The following TSACC variants were observed in gnomAD, a reference collection of about 807,000 sequenced individuals.
TSACC encodes TSSK6-activating co-chaperone protein.
Under a neutral mutation model 6.9 loss-of-function variants are expected in TSACC, and 3 were observed. The observed-to-expected ratio is 0.43, with a 90% CI of 0.20 to 1.12. The LOEUF (loss-of-function observed/expected upper bound fraction) is 1.12, where lower values mean the gene tolerates loss of function less well. TSACC is among the 50% of genes most tolerant of loss of function. The pLI, the probability that TSACC is intolerant of heterozygous loss-of-function variation, is 0.28. For synonymous variants in TSACC, 54 were observed against 55.1 expected, an observed-to-expected ratio of 0.98 and a Z score of 0.09; for missense variants, 137 against 143.9, an observed-to-expected ratio of 0.95 and a Z score of 0.24.
chr1:156,338,249 G>A (rs1018186247), upstream of TSACC: 16 of 1,316,700 alleles, frequency 1.2e-5, no homozygotes, highest in Middle Eastern at 5.7e-4. Flanking sequence ...TGGAGAGAGA[G>A]AACCAGACAG....
chr1:156,346,761 T>C lies in TSACC; in HGVS notation c.164-7T>C. 1 of 1,613,688 alleles carries C rather than the reference T, an allele frequency of 6.2e-7. No individual in the cohort carries two copies. Among genetic ancestry groups the C allele is most frequent in the South Asian group, 1.1e-5 (1 of 91,074 alleles). ...CCCTTGCACCTCCGTTGCTTTTCCTTCTGGAGTTGATCACAAGCCCAAGGA... is the reference window on the plus strand; with the variant it reads ...CCCTTGCACCTCCGTTGCTTTTCCTCCTGGAGTTGATCACAAGCCCAAGGA... On this transcript the variant is annotated splice_region_variant and splice_polypyrimidine_tract_variant and intron_variant, in intron 3 of 3. Coordinates refer to ENST00000368254, the MANE Select transcript of TSACC (RefSeq NM_001304817.2).
At chr1:156,337,428 A>C (rs967674222), upstream of TSACC, 7 of 175,664 alleles carry the variant, frequency 4.0e-5, no homozygotes, top group Non-Finnish European at 6.1e-5. Context: ...AAGAAAAAAA[A>C]TAAGGGATCT....
intron 3 of TSACC, 114 bp from the exon 4 acceptor site, chr1:156,346,654 G>A (rs1171932050): frequency 6.0e-6 from 6 of 996,014 alleles, no homozygotes; most frequent in Non-Finnish European, 9.3e-6. Flanking sequence ...TCTGGGTTGG[G>A]TTGTGCCTGG....
intron 3 of TSACC, 34 bp downstream of exon 3, chr1:156,344,742 A>G: frequency 2.5e-6 from 4 of 1,608,046 alleles, no homozygotes; most frequent in Non-Finnish European, 3.4e-6. Flanking sequence ...TAATGGACTC[A>G]ACAGGGGGAA....
upstream of TSACC, chr1:156,337,866 G>C: frequency 4.0e-6 from 2 of 503,960 alleles, no homozygotes; most frequent in Non-Finnish European, 7.1e-6. Context: ...GCAGGGGCGG[G>C]GGAAGCGTGG....
At chr1:156,338,234 C>G (rs1665544744), upstream of TSACC, 8 of 1,553,858 alleles carry the variant, frequency 5.1e-6, no homozygotes, top group Non-Finnish European at 6.1e-6. Context: ...ACCGGCAGAA[C>G]CTTCTGGAGA....
At chr1:156,343,709 G>A (rs978959208) in intron 2 of TSACC, among the ~76,000 whole-genome samples, 4 of 152,052 alleles carry the variant, frequency 2.6e-5, no homozygotes, top group African/African-American at 9.7e-5. Flanking sequence ...GGTCTCACCA[G>A]TATAGCCTGG....
At chr1:156,338,358 ACAG>A, upstream of TSACC, 1 of 650,152 alleles carries the variant, frequency 1.5e-6, no homozygotes, top group Admixed American at 2.5e-5. Context: ...CGGCACAAAA[ACAG>A]ACCAATTGAC....
chr1:156,337,888 C>T, upstream of TSACC: 1 of 527,686 alleles, frequency 1.9e-6, no homozygotes, highest in Non-Finnish European at 3.4e-6. Flanking sequence ...GGCTGAGGGA[C>T]AGAACGCGGA....
chr1:156,346,740 T>G lies in TSACC; in HGVS notation c.164-28T>G, dbSNP rs755207456. ...ACCAAATCTCTCTCCTTTGTTCCCT[T>G]GCACCTCCGTTGCTTTTCCTTCTGG... On this transcript the variant is annotated intron_variant, in intron 3 of 3. Coordinates refer to ENST00000368254, the MANE Select transcript of TSACC (RefSeq NM_001304817.2). The G allele has an allele frequency of 2.5e-6, 4 of 1,606,936 alleles. No homozygotes were observed. In the East Asian group the frequency reaches 8.9e-5, roughly 36 times the overall value.
chr1:156,342,124 T>G (rs1007288495), intron 2 of TSACC, among the ~76,000 whole-genome samples: 2 of 150,610 alleles, frequency 1.3e-5, no homozygotes, highest in South Asian at 2.1e-4. Flanking sequence ...AGGACTCAAA[T>G]TATTTAAAAG....
At chr1:156,342,099 C>A (rs1254010021) in intron 2 of TSACC, among the ~76,000 whole-genome samples, 14 of 151,768 alleles carry the variant, frequency 9.2e-5, no homozygotes, top group Admixed American at 9.2e-4. Flanking sequence ...AAAATGCATT[C>A]TCCTATGTCC....
chr1:156,343,351 G>A (rs1457538738), intron 2 of TSACC, among the ~76,000 whole-genome samples: 4 of 152,062 alleles, frequency 2.6e-5, no homozygotes, highest in East Asian at 3.9e-4. Context: ...CCAGGGCCTC[G>A]GGGACTAAAA....
At chr1:156,341,109 G>A (rs540253604) in intron 2 of TSACC, among the ~76,000 whole-genome samples, 11 of 152,316 alleles carry the variant, frequency 7.2e-5, no homozygotes, top group Admixed American at 3.3e-4. Context: ...GAGCCATCGC[G>A]CCTGGCCAGT....
intron 3 of TSACC, 38 bp downstream of exon 3, chr1:156,344,746 G>C: frequency 6.2e-7 from 1 of 1,605,118 alleles, no homozygotes; most frequent in South Asian, 1.1e-5. Flanking sequence ...GGACTCAACA[G>C]GGGGAAGGGT....
upstream of TSACC, chr1:156,338,293 ACC>A: frequency 9.5e-7 from 1 of 1,049,088 alleles, no homozygotes; most frequent in Middle Eastern, 2.1e-4. Context: ...CAGGGCTTAC[ACC>A]TCAACCCGCT....
chr1:156,343,847 T>G (rs1666025849), intron 2 of TSACC, among the ~76,000 whole-genome samples: 1 of 152,150 alleles, frequency 6.6e-6, no homozygotes, highest in Admixed American at 6.6e-5. Context: ...TTCAAGTGAT[T>G]ATCCTGCCTC....
At chr1:156,345,872 AAAAAAAG>A (rs1308023122) in intron 3 of TSACC, among the ~76,000 whole-genome samples, 3 of 151,378 alleles carry the variant, frequency 2.0e-5, no homozygotes, top group African/African-American at 7.3e-5. Context: ...ATTGAAAAAA[AAAAAAAG>A]AAAAAAGAAA....
At chr1:156,343,186 C>T (rs1665989730) in intron 2 of TSACC, among the ~76,000 whole-genome samples, 1 of 152,196 alleles carries the variant, frequency 6.6e-6, no homozygotes, top group Non-Finnish European at 1.5e-5. Context: ...TTCCTACTCT[C>T]ACCTCAGATT....
Sources: allele counts gnomAD v4.1 joint callset (sites outside exome capture counted in the v4.1 genomes callset), GRCh38; gene constraint gnomAD v4.1.1; transcripts MANE v1.5; gene names NCBI Gene and HGNC (gene_info 2026-07-23, HGNC 2026-07-21).